The following ETV5 variants were observed in gnomAD, a reference collection of about 807,000 sequenced individuals.
ETV5 encodes ETS variant transcription factor 5, also known as ETS translocation variant 5.
In ETV5, 10 loss-of-function variants were observed where a neutral mutation model predicts 70.0. The ratio of observed to expected loss-of-function variants is 0.14; its 90% CI spans 0.09 to 0.24. The LOEUF is 0.24. ETV5 is among the 10% of genes least tolerant of loss of function. The pLI is 1.00. For missense variants in ETV5, 453 were observed against 651.2 expected (o/e 0.70, Z 3.31); for synonymous variants, 216 against 242.2 (o/e 0.89, Z 1.01).
chr3:186,077,598 T>TAGAG (rs1271150702), intron 7 of ETV5, among the ~76,000 whole-genome samples: 1 of 152,118 alleles, frequency 6.6e-6, no homozygotes, highest in Non-Finnish European at 1.5e-5. Context: ...AGGATGAGGG[T>TAGAG]AGAGAGAGCT....
intron 5 of ETV5, among the ~76,000 whole-genome samples, chr3:186,102,986 G>A: frequency 6.6e-6 from 1 of 152,176 alleles, no homozygotes; most frequent in Non-Finnish European, 1.5e-5. Flanking sequence ...TTGTGTTCTT[G>A]CCTTGCTTCT....
chr3:186,080,070 G>A lies in ETV5; in HGVS notation c.397C>T (p.Pro133Ser), dbSNP rs868275534. The change falls in exon 7 of 13, where the codon CCA (proline) becomes TCA (serine). Residue 133 changes from proline (P) to serine (S), a missense_variant. Pro to Ser is a moderately conservative substitution (Grantham distance 74, BLOSUM62 -1). Around this residue, in one of 4 missense-constraint regions of ETV5, gnomAD observed 307 missense variants for 344.9 expected, o/e 0.89. Transcript: ENST00000306376. ...YDRKPPSGFK[P>S]LTPPTTPLSP... is the part of the protein sequence containing the mutation. ...AGGGGGGTTGTAGGAGGGGTTAATG[G>A]CTTGAACCCAGAGGGAGGCTTCCTA... The A allele has an allele frequency of 7.3e-6, 11 of 1,509,440 alleles. No homozygotes were observed. In the Middle Eastern group the frequency reaches 1.5e-3, roughly 203 times the overall value. 93.5% of individuals were successfully genotyped at this position (1,509,440 alleles called of 1,614,324 possible). A position where few individuals can be genotyped will look rare whatever the true frequency, so the allele number is the denominator to read the frequency against.
At position 186,065,728 on chromosome 3, in the gene ETV5, C is replaced by T. The variant is rs1471609736; in HGVS notation, c.910+85G>A. 2.0e-6 allele frequency: 3 copies of T among 1,516,736 alleles called. No individual in the cohort carries two copies. In the East Asian group the frequency reaches 7.0e-5, roughly 36 times the overall value. The allele number at this position is 1,516,736 out of a possible 1,614,324, so 94.0% of individuals were successfully genotyped here. A position where few individuals can be genotyped will look rare whatever the true frequency, so the allele number is the denominator to read the frequency against. On this transcript the variant is annotated intron_variant, in intron 8 of 12. Transcript: ENST00000306376. ...AAAATTCTTATAAAAATTCCTGTCCCCAAGGCCCTGCATGTATAAGACACT... is the reference window on the plus strand; with the variant it reads ...AAAATTCTTATAAAAATTCCTGTCCTCAAGGCCCTGCATGTATAAGACACT...
chr3:186,078,602 G>T (rs1490350456), intron 7 of ETV5, among the ~76,000 whole-genome samples: 1 of 152,064 alleles, frequency 6.6e-6, no homozygotes, highest in African/African-American at 2.4e-5. Context: ...AGTACAGGTT[G>T]TTAGTACAAG....
intron 9 of ETV5, among the ~76,000 whole-genome samples, chr3:186,061,446 C>T (rs1329724899): frequency 6.6e-6 from 1 of 152,164 alleles, no homozygotes; most frequent in Non-Finnish European, 1.5e-5. Flanking sequence ...GACTGCTGGG[C>T]CCCACCGCTG....
intron 8 of ETV5, among the ~76,000 whole-genome samples, chr3:186,065,354 G>A (rs9824882): frequency 0.66 from 100,567 of 152,106 alleles, 35,622 homozygotes; most frequent in Non-Finnish European, 0.8. Context: ...GAATGCTGAT[G>A]GAAATGTTTA....
intron 9 of ETV5, among the ~76,000 whole-genome samples, chr3:186,062,584 G>T (rs929945031): frequency 6.6e-6 from 1 of 152,272 alleles, no homozygotes; most frequent in Admixed American, 6.5e-5. Context: ...ATCCGCCACT[G>T]CACTCCAGCC....
chr3:186,075,858 G>A (rs1211749999), intron 7 of ETV5, among the ~76,000 whole-genome samples: 2 of 152,220 alleles, frequency 1.3e-5, no homozygotes, highest in Non-Finnish European at 2.9e-5. Context: ...TGAGAAAGCA[G>A]TGTATTCCAA....
Position 186,064,910 on chromosome 3 carries a change from T to G in ETV5, c.911-434A>C, listed in dbSNP as rs557345206. 5.3e-4 allele frequency among the ~76,000 whole-genome samples: 80 copies of G among 152,260 alleles called. 3 individuals are homozygous for G. In the South Asian group the frequency reaches 0.015, roughly 28 times the overall value. On this transcript the variant is annotated intron_variant, in intron 8 of 12. Coordinates refer to ENST00000306376, the MANE Select transcript of ETV5 (RefSeq NM_004454.3). ...CTAATTTGCTCCCCTTTACTGCTGG[T>G]GGTCACATCTAATTTTGCTCCAACA...
At chr3:186,076,428 G>A (rs945193341) in intron 7 of ETV5, 2 of 189,280 alleles carry the variant, frequency 1.1e-5, no homozygotes, top group Non-Finnish European at 2.2e-5. Flanking sequence ...ACAATTTGGT[G>A]GTCCCCACTC....
intron 11 of ETV5, among the ~76,000 whole-genome samples, chr3:186,056,018 T>C (rs1433840802): frequency 6.6e-6 from 1 of 152,206 alleles, no homozygotes; most frequent in African/African-American, 2.4e-5. Context: ...ATAATCTCTC[T>C]AGATTCTAAA....
intron 5 of ETV5, among the ~76,000 whole-genome samples, chr3:186,089,564 A>C (rs1714133311): frequency 6.6e-6 from 1 of 152,222 alleles, no homozygotes; most frequent in South Asian, 2.1e-4. Context: ...TTTTAAGGTC[A>C]ACACAAATAC....
At chr3:186,084,885 A>C (rs930278478) in intron 5 of ETV5, among the ~76,000 whole-genome samples, 2 of 152,194 alleles carry the variant, frequency 1.3e-5, no homozygotes, top group South Asian at 2.1e-4. Flanking sequence ...ACACCTGTTT[A>C]ACAGAATATG....
At chr3:186,066,501 A>T (rs1250366929) in intron 7 of ETV5, among the ~76,000 whole-genome samples, 1 of 152,164 alleles carries the variant, frequency 6.6e-6, no homozygotes, top group Admixed American at 6.5e-5. Context: ...CAGTTAGAAA[A>T]TGTAGTTAAA....
chr3:186,062,783 A>G (rs540532126), intron 9 of ETV5, among the ~76,000 whole-genome samples: 1 of 152,348 alleles, frequency 6.6e-6, no homozygotes, highest in South Asian at 2.1e-4. Flanking sequence ...ACTATAAAAC[A>G]ATGAGTCCTA....
At chr3:186,084,695 A>G (rs138808552) in intron 5 of ETV5, among the ~76,000 whole-genome samples, 59 of 152,350 alleles carry the variant, frequency 3.9e-4, no homozygotes, top group Admixed American at 9.1e-4. Context: ...CTGAGGCCCA[A>G]TGGAACTAAA....
chr3:186,062,286 C>G (rs1031307296), intron 9 of ETV5, among the ~76,000 whole-genome samples: 2 of 152,292 alleles, frequency 1.3e-5, no homozygotes, highest in Non-Finnish European at 2.9e-5. Context: ...AGTTCTGGCT[C>G]TACTCTTACA....
intron 11 of ETV5, among the ~76,000 whole-genome samples, chr3:186,053,128 G>A (rs1713073300): frequency 6.6e-6 from 1 of 151,910 alleles, no homozygotes; most frequent in South Asian, 2.1e-4. Context: ...CTGAGATGGA[G>A]TCTCACTCTG....
chr3:186,108,328 CCGCACAGCCGGA>C (rs932811789), intron 1 of ETV5: 1 of 472,142 alleles, frequency 2.1e-6, no homozygotes, highest in African/African-American at 2.0e-5. Context: ...TCTCGAGTCG[CCGCACAGCCGGA>C]CGCCCTCAGC....
Sources: allele counts gnomAD v4.1 joint callset (sites outside exome capture counted in the v4.1 genomes callset), GRCh38; gene constraint gnomAD v4.1.1; regional missense constraint gnomAD v4.1.1; transcripts MANE v1.5; gene names NCBI Gene and HGNC (gene_info 2026-07-23, HGNC 2026-07-21).